Variants in GBP4 observed in about 807,000 individuals in gnomAD.
GBP4 encodes the protein guanylate-binding protein 4.
GBP4 carries 69 observed loss-of-function variants against 62.2 expected under a neutral mutation model. The ratio of observed to expected loss-of-function variants is 1.11; its 90% CI spans 0.91 to 1.36. The LOEUF (loss-of-function observed/expected upper bound fraction) is 1.36, where lower values mean the gene tolerates loss of function less well. GBP4 is among the 40% of genes most tolerant of loss of function. The probability of loss-of-function intolerance (pLI) is 0.00; values close to 1 mark genes in which losing one functional copy is unlikely to be tolerated. For synonymous variants in GBP4, 278 were observed against 274.6 expected (o/e 1.01, Z -0.12); for missense variants, 697 against 759.3 (o/e 0.92, Z 0.96).
In GBP4 at chr1:89,195,412, C is replaced by T; in HGVS notation, c.248G>A (p.Gly83Asp). 1 of 1,613,752 alleles carries T rather than the reference C, an allele frequency of 6.2e-7. No individual in the cohort carries two copies. ...CTTAGTTTCAGACTGCACCGTGGAGCCCAGAGGGAAGCCTGCAGGGAAGAG... is the reference window on the plus strand; with the variant it reads ...CTTAGTTTCAGACTGCACCGTGGAGTCCAGAGGGAAGCCTGCAGGGAAGAG... Reference protein sequence around the residue: ...LAGKRNGFPLGSTVQSETKGI... With the variant: ...LAGKRNGFPLDSTVQSETKGI... Residue 83 changes from glycine to aspartate, a missense_variant, in exon 3 of 11, where the codon GGC becomes GAC. Physicochemically the swap from Gly to Asp is moderately conservative, Grantham distance 94. Coordinates refer to ENST00000355754, the MANE Select transcript of GBP4 (RefSeq NM_052941.5).
In GBP4 at chr1:89,181,823, C is replaced by T. The variant is rs1238654129; in HGVS notation, c.*3431G>A. 1.4e-5 allele frequency: 2 copies of T among 147,990 alleles called. No individual in the cohort carries two copies. The highest frequency in any genetic ancestry group is 2.2e-4 in the South Asian group (1 of 4,628). The allele number at this position is 147,990 out of a possible 1,614,324, so 9.2% of individuals were successfully genotyped here. ...TAGTAAAATTCAACATTTTTAATCT[C>T]ATATTTTTGTCTATTTAAAAAATGT... On this transcript the variant is annotated 3_prime_UTR_variant, in exon 11 of 11. Coordinates refer to ENST00000355754, the MANE Select transcript of GBP4 (RefSeq NM_052941.5).
chr1:89,198,207 A>C (rs1057034931), intron 1 of GBP4, among the ~76,000 whole-genome samples: 7 of 152,094 alleles, frequency 4.6e-5, no homozygotes, highest in Non-Finnish European at 7.3e-5. Context: ...GGTGCTGTTA[A>C]CCGGGCGAAT....
intron 9 of GBP4, 128 bp downstream of exon 9, chr1:89,186,872 T>A (rs1029141252): frequency 1.3e-6 from 1 of 798,290 alleles, no homozygotes; most frequent in Non-Finnish European, 2.0e-6. Flanking sequence ...CCAGAACTTA[T>A]TAATATTTTA....
chr1:89,198,277 T>G (rs1288090772), intron 1 of GBP4, among the ~76,000 whole-genome samples: 1 of 151,916 alleles, frequency 6.6e-6, no homozygotes, highest in Non-Finnish European at 1.5e-5. Flanking sequence ...CATTCTTGGA[T>G]GTGCTGGGAG....
intron 5 of GBP4, 60 bp downstream of exon 5, chr1:89,192,844 A>C: frequency 6.7e-7 from 1 of 1,482,894 alleles, no homozygotes; most frequent in Non-Finnish European, 9.3e-7. Context: ...GCTGAATAGC[A>C]GGTCTTAGTT....
At chr1:89,194,761 A>G (rs752578987) in intron 3 of GBP4, among the ~76,000 whole-genome samples, 1 of 152,246 alleles carries the variant, frequency 6.6e-6, no homozygotes, top group African/African-American at 2.4e-5. Flanking sequence ...TGTTAGTGAT[A>G]AAATTAATGC....
chr1:89,198,726 C>T (rs978709662), intron 1 of GBP4, 69 bp downstream of exon 1: 5 of 1,368,566 alleles, frequency 3.7e-6, no homozygotes, highest in African/African-American at 1.4e-5. Flanking sequence ...GCAGTCTGCG[C>T]TTGGGAATTT....
chr1:89,188,660 A>G lies in GBP4; in HGVS notation c.1332T>C (p.Pro444=). Residue 444 remains proline, a synonymous_variant, in exon 8 of 11, where the codon CCT becomes CCC. Transcript: ENST00000355754. ...CTTCTAAGTAGAGATTGTGTCCTCC[A>G]GGAACAGAGAAAATTCCTCTCAAAA... is the stretch of plus-strand genomic sequence containing the variant. ...ESILRGIFSV[P]GGHNLYLEEK... 6.2e-7 allele frequency: 1 copy of G among 1,614,234 alleles called. No individual in the cohort carries two copies. Among genetic ancestry groups the G allele is most frequent in the Non-Finnish European group, 8.5e-7 (1 of 1,180,042 alleles).
At chr1:89,186,872 T>G in intron 9 of GBP4, 128 bp downstream of exon 9, 2 of 798,290 alleles carry the variant, frequency 2.5e-6, no homozygotes, top group African/African-American at 1.7e-5. Context: ...CCAGAACTTA[T>G]TAATATTTTA....
chr1:89,195,710 C>A (rs896861272), intron 2 of GBP4, among the ~76,000 whole-genome samples: 2 of 152,128 alleles, frequency 1.3e-5, no homozygotes, highest in South Asian at 4.2e-4. Context: ...GCTGCATGGT[C>A]TTTCTTTAAA....
rs763863492 is a variant in GBP4 at position 89,190,099 on chromosome 1, A to G, written c.1136T>C (p.Ile379Thr). The change falls in exon 7 of 11, where the codon ATT becomes ACT. Residue 379 changes from isoleucine (I) to threonine (T), a missense_variant. Ile to Thr is a moderately conservative substitution (Grantham distance 89, BLOSUM62 -1). Transcript: ENST00000355754. ...DVHAACEREA[I>T]AVFMEHSFKD... The stretch of plus-strand genomic sequence containing the variant: ...GAAGGAGTGCTCCATGAAGACTGCA[A>G]TGGCTTCCCTCTCACAGGCTGCATG... The G allele has an allele frequency of 2.5e-6, 4 of 1,614,186 alleles. No individual in the cohort carries two copies. The highest frequency in any genetic ancestry group is 1.7e-5 in the Admixed American group (1 of 60,018).
rs1261436043 is a variant in GBP4, at chr1:89,182,913, GTCTC to G, written c.*2337_*2340del. ...AAACAATATAAAACAATATAAGAAG[GTCTC>G]TCTCTTCCCTCAATTCTAGCTGCAA... On this transcript the variant is annotated 3_prime_UTR_variant, in exon 11 of 11. Transcript: ENST00000355754. The G allele has an allele frequency of 6.6e-6, 1 of 152,138 alleles. No homozygotes were observed. The allele number at this position is 152,138 out of a possible 1,614,324, so 9.4% of individuals were successfully genotyped here.
intron 7 of GBP4, among the ~76,000 whole-genome samples, chr1:89,189,828 T>C (rs1286711214): frequency 6.6e-6 from 1 of 152,164 alleles, no homozygotes; most frequent in Non-Finnish European, 1.5e-5. Context: ...TTTAAGCTGC[T>C]AAACTCATGA....
Position 89,190,027 on chromosome 1 carries a change from G to C in GBP4, c.1197+11C>G. On this transcript the variant is annotated intron_variant, in intron 7 of 10. Coordinates refer to ENST00000355754, the MANE Select transcript of GBP4 (RefSeq NM_052941.5). ...AGGGCAGAAATCAGGAAGGATAAAT[G>C]CTAAAAGTACCACAAGCTTCTTCTG... The C allele has an allele frequency of 6.3e-7, 1 of 1,599,758 alleles. No homozygotes were observed. The highest frequency in any genetic ancestry group is 1.1e-5 in the South Asian group (1 of 89,492).
rs768351437 is a variant in GBP4 at position 89,193,392 on chromosome 1, C to T, written c.384G>A (p.Ser128=). 29 of 1,614,088 alleles carry T rather than the reference C, an allele frequency of 1.8e-5. No individual in the cohort carries two copies. The highest frequency in any genetic ancestry group is 1.6e-4 in the Middle Eastern group (1 of 6,062). The change falls in exon 4 of 11, where the codon TCG becomes TCA. Residue 128 remains serine, a synonymous_variant. Transcript: ENST00000355754. The part of the protein sequence containing the change: ...DVEKSNPKND[S]WIFALAVLLS... ...GAAGCACAGCCAGGGCAAAGATCCA[C>T]GAGTCATTCTTAGGGTTACTCTAGA...
chr1:89,195,308 C>G lies in GBP4; in HGVS notation c.352G>C (p.Asp118His), dbSNP rs75750014. 2 of 1,613,764 alleles carry G rather than the reference C, an allele frequency of 1.2e-6. No individual in the cohort carries two copies. The highest frequency in any genetic ancestry group is 2.2e-5 in the South Asian group (2 of 91,074). The change falls in exon 3 of 11, where the codon GAT (aspartate) becomes CAT (histidine). Residue 118 changes from aspartate (D) to histidine (H), a missense_variant. Around this residue, in one of 2 missense-constraint regions of GBP4, gnomAD observed 556 missense variants for 562.7 expected, o/e 0.99. Transcript: ENST00000355754. Reference sequence around the variant, plus strand: ...TTTCTCTGCCTTACCTTTTCTACATCGCCCAGGCCCTCGGTGTCCAGAAGG... The same window carrying G: ...TTTCTCTGCCTTACCTTTTCTACATGGCCCAGGCCCTCGGTGTCCAGAAGG... ...LVLLDTEGLG[D>H]VEKSNPKNDS... is the part of the protein sequence containing the mutation.
chr1:89,184,640 CCAAA>C lies in GBP4; in HGVS notation c.*610_*613del, dbSNP rs1258262614. Reference sequence around the variant, plus strand: ...ACATGTTCTCACTTATAAATGGGGGCCAAACAAAGAGAACACATGGATACTCAGA... The same window carrying C: ...ACATGTTCTCACTTATAAATGGGGGCCAAAGAGAACACATGGATACTCAGA... On this transcript the variant is annotated 3_prime_UTR_variant, in exon 11 of 11. Transcript: ENST00000355754. The C allele has an allele frequency of 1.3e-5, 2 of 151,942 alleles. No homozygotes were observed. The highest frequency in any genetic ancestry group is 2.4e-5 in the African/African-American group (1 of 41,310). 9.4% of individuals were successfully genotyped at this position (151,942 alleles called of 1,614,324 possible).
chr1:89,193,252 C>G (rs772517963), intron 4 of GBP4, 51 bp downstream of exon 4: 2 of 1,572,652 alleles, frequency 1.3e-6, no homozygotes, highest in Non-Finnish European at 1.7e-6. Context: ...AGTATCAATT[C>G]CCATTCCCCT....
Position 89,193,037 on chromosome 1 carries a change from C to G in GBP4, c.537G>C (p.Glu179Asp), listed in dbSNP as rs1648231424. ...AGAAACTCGCAAACTCGCTGGAGTC[C>G]TCAGCTTCATCAGGTCTGGGGCAGG... ...AKSCPRPDEA[E>D]DSSEFASFFP... Residue 179 changes from glutamate to aspartate, a missense_variant, in exon 5 of 11, where the codon GAG (glutamate) becomes GAC (aspartate). By Grantham distance (45) the Glu-to-Asp change is conservative (BLOSUM62 2). Around this residue, in one of 2 missense-constraint regions of GBP4, gnomAD observed 556 missense variants for 562.7 expected, o/e 0.99. Transcript: ENST00000355754. The G allele has an allele frequency of 6.2e-7, 1 of 1,614,214 alleles. No individual in the cohort carries two copies. Among genetic ancestry groups the G allele is most frequent in the Admixed American group, 1.7e-5 (1 of 60,024 alleles).
Sources: allele counts gnomAD v4.1 joint callset (sites outside exome capture counted in the v4.1 genomes callset), GRCh38; gene constraint gnomAD v4.1.1; regional missense constraint gnomAD v4.1.1; transcripts MANE v1.5; gene names NCBI Gene and HGNC (gene_info 2026-07-23, HGNC 2026-07-21).